ANKRD13C: variants seen among roughly 807,000 people sequenced by gnomAD.
ANKRD13C encodes the protein ankyrin repeat domain 13C, also known as ankyrin repeat domain-containing protein 13C.
A neutral mutation model predicts 65.5 loss-of-function variants in ANKRD13C; 16 were observed. The ratio of observed to expected loss-of-function variants is 0.24; its 90% confidence interval spans 0.17 to 0.37. The LOEUF (loss-of-function observed/expected upper bound fraction) is 0.37, where lower values mean the gene tolerates loss of function less well. Ranked by LOEUF, ANKRD13C falls within the 10% of genes least tolerant of loss-of-function variation. The pLI, the probability that ANKRD13C is intolerant of heterozygous loss-of-function variation, is 1.00. For synonymous variants in ANKRD13C, 235 were observed against 238.7 expected (o/e 0.98, Z 0.14); for missense variants, 503 against 655.9 (o/e 0.77, Z 2.55).
intron 4 of ANKRD13C, 141 bp from the exon 5 acceptor site, chr1:70,313,931 T>G (rs1680961493): frequency 2.0e-6 from 1 of 507,676 alleles, no homozygotes; most frequent in Non-Finnish European, 3.5e-6. Flanking sequence ...CCTGTATATT[T>G]TATAATATTT....
chr1:70,343,900 A>G (rs1442856234), intron 1 of ANKRD13C, among the ~76,000 whole-genome samples: 1 of 152,204 alleles, frequency 6.6e-6, no homozygotes, highest in Non-Finnish European at 1.5e-5. Context: ...CTGTATTCCC[A>G]GCAGTTTGGA....
intron 2 of ANKRD13C, among the ~76,000 whole-genome samples, chr1:70,325,714 T>C (rs1224826014): frequency 6.6e-6 from 1 of 151,426 alleles, no homozygotes; most frequent in African/African-American, 2.4e-5. Flanking sequence ...CCGTCTCTAC[T>C]AAAAAATAAA....
chr1:70,353,697 T>C (rs1682854358), intron 1 of ANKRD13C, among the ~76,000 whole-genome samples: 1 of 152,200 alleles, frequency 6.6e-6, no homozygotes. Flanking sequence ...ACCTAAAATT[T>C]CTGACAGTCC....
intron 1 of ANKRD13C, among the ~76,000 whole-genome samples, chr1:70,346,640 T>C (rs1444601734): frequency 6.6e-6 from 1 of 152,176 alleles, no homozygotes; most frequent in Non-Finnish European, 1.5e-5. Flanking sequence ...AAAATGCTAA[T>C]ATACTACTAA....
chr1:70,267,224 T>C (rs1007459293), intron 12 of ANKRD13C, among the ~76,000 whole-genome samples: 5 of 152,226 alleles, frequency 3.3e-5, no homozygotes, highest in Non-Finnish European at 7.3e-5. Flanking sequence ...TCTGCCTTAA[T>C]TTTAATATGG....
rs141307584 is a variant in ANKRD13C at position 70,339,158 on chromosome 1, C to A, written c.431-3059G>T. On this transcript the variant is annotated intron_variant, in intron 1 of 12. Transcript: ENST00000370944. ...CCGGGTGGCAGAGGTTGCAGTAAGC[C>A]GAGATGGCGGCATTGCACTCCAGCC... is the stretch of plus-strand genomic sequence containing the variant. 3.9e-3 allele frequency among the ~76,000 whole-genome samples: 575 copies of A among 149,098 alleles called. 4 individuals carry two copies. Among genetic ancestry groups the A allele is most frequent in the Non-Finnish European group, 6.0e-3 (403 of 67,628 alleles).
At chr1:70,330,118 G>C (rs1002472981) in intron 2 of ANKRD13C, among the ~76,000 whole-genome samples, 12 of 150,954 alleles carry the variant, frequency 7.9e-5, no homozygotes, top group Non-Finnish European at 5.9e-5. Flanking sequence ...CAGATCAATC[G>C]AATGTCTTCT....
Position 70,262,825 on chromosome 1 carries a change from G to C in ANKRD13C, c.1518C>G (p.Ile506Met). 6.2e-7 allele frequency: 1 copy of C among 1,612,388 alleles called. No homozygotes were observed. The highest frequency in any genetic ancestry group is 8.5e-7 in the Non-Finnish European group (1 of 1,178,966). Reference sequence around the variant, plus strand: ...ACTCCTGAAAAGTCACAGTGGCTGTGATTGTGGGAAACACAGGTATATCTA... The same window carrying C: ...ACTCCTGAAAAGTCACAGTGGCTGTCATTGTGGGAAACACAGGTATATCTA... The part of the protein sequence containing the change: ...VKLDIPVFPT[I>M]TATVTFQEFR... Residue 506 changes from isoleucine to methionine, a missense_variant, in exon 13 of 13, where the codon ATC becomes ATG. Physicochemically the swap from Ile to Met is conservative, Grantham distance 10. This residue lies in a region of ANKRD13C where 300 missense variants were observed against 478.3 expected (regional missense o/e 0.63). Coordinates refer to ENST00000370944, the MANE Select transcript of ANKRD13C (RefSeq NM_030816.5).
rs753060944 is a variant in ANKRD13C, at chr1:70,354,333, C to T, written c.76G>A (p.Gly26Arg). Residue 26 changes from glycine to arginine, a missense_variant, in exon 1 of 13, where the codon GGG becomes AGG. This residue lies in a region of ANKRD13C where 203 missense variants were observed against 177.6 expected (regional missense o/e 1.14). Coordinates refer to ENST00000370944, the MANE Select transcript of ANKRD13C (RefSeq NM_030816.5). ...AGGGCAGCCGCCGCTTCCTCATCCC[C>T]GGGCTCCAGCAGGTCCCCTTCTTCT... ...SKEEGDLLEP[G>R]DEEAAAALGG... 5.9e-5 allele frequency: 96 copies of T among 1,613,954 alleles called. No individual in the cohort carries two copies. The highest frequency in any genetic ancestry group is 8.0e-5 in the Non-Finnish European group (94 of 1,180,030).
intron 3 of ANKRD13C, among the ~76,000 whole-genome samples, chr1:70,317,770 C>T (rs1572123975): frequency 6.6e-6 from 1 of 152,130 alleles, no homozygotes; most frequent in Non-Finnish European, 1.5e-5. Flanking sequence ...CTTAATAAAT[C>T]TTATTCAATC....
At chr1:70,328,426 G>A (rs1236736074) in intron 2 of ANKRD13C, among the ~76,000 whole-genome samples, 1 of 152,214 alleles carries the variant, frequency 6.6e-6, no homozygotes, top group East Asian at 1.9e-4. Flanking sequence ...ACTTTGGGAG[G>A]CCAAGGTGGG....
intron 9 of ANKRD13C, among the ~76,000 whole-genome samples, chr1:70,282,595 A>T (rs1679445700): frequency 6.6e-6 from 1 of 152,212 alleles, no homozygotes; most frequent in Admixed American, 6.5e-5. Flanking sequence ...ACAGTGGGAG[A>T]TTATACATAA....
At position 70,259,571 on chromosome 1, in the gene ANKRD13C, T is replaced by A. The variant is rs1268181629; in HGVS notation, c.*3146A>T. 6.6e-6 allele frequency among the ~76,000 whole-genome samples: 1 copy of A among 152,196 alleles called. No homozygotes were observed. Among genetic ancestry groups the A allele is most frequent in the African/African-American group, 2.4e-5 (1 of 41,466 alleles). On this transcript the variant is annotated 3_prime_UTR_variant, in exon 13 of 13. Transcript: ENST00000370944. ...GAAATTTTTAGGTGGCAACCAGAGTTAGTTACTATTGCCCCAGATTTCTGA... is the reference window on the plus strand; with the variant it reads ...GAAATTTTTAGGTGGCAACCAGAGTAAGTTACTATTGCCCCAGATTTCTGA...
chr1:70,351,706 G>A (rs1279232165), intron 1 of ANKRD13C, among the ~76,000 whole-genome samples: 1 of 152,070 alleles, frequency 6.6e-6, no homozygotes, highest in Non-Finnish European at 1.5e-5. Context: ...GGCCAAGCTT[G>A]CTGTTGTTTA....
chr1:70,352,837 G>A (rs1220196107), intron 1 of ANKRD13C, among the ~76,000 whole-genome samples: 1 of 152,184 alleles, frequency 6.6e-6, no homozygotes, highest in Non-Finnish European at 1.5e-5. Context: ...ATGATAGGTG[G>A]TGATTTTATT....
rs1222694343 is a variant in ANKRD13C, at chr1:70,277,510, GA to G, written c.1216-667del. ...AAGGAATTTACAATTCAGTTGGAAAGAAAAAAAAAATACAGACATGAACAGT... is the reference window on the plus strand; with the variant it reads ...AAGGAATTTACAATTCAGTTGGAAAGAAAAAAAAATACAGACATGAACAGT... On this transcript the variant is annotated intron_variant, in intron 9 of 12. Coordinates refer to ENST00000370944, the MANE Select transcript of ANKRD13C (RefSeq NM_030816.5). Among the ~76,000 whole-genome samples, 399 of 134,490 alleles carry G rather than the reference GA, an allele frequency of 3.0e-3. 3 individuals carry two copies. The highest frequency in any genetic ancestry group is 0.01 in the African/African-American group (370 of 36,340). 88.2% of individuals were successfully genotyped at this position (134,490 alleles called of 152,430 possible).
intron 9 of ANKRD13C, among the ~76,000 whole-genome samples, chr1:70,290,345 T>A (rs1005400700): frequency 3.9e-5 from 6 of 152,188 alleles, no homozygotes; most frequent in Non-Finnish European, 8.8e-5. Flanking sequence ...GGGAAAGGAC[T>A]AAACATTCCA....
intron 3 of ANKRD13C, among the ~76,000 whole-genome samples, chr1:70,317,294 C>T (rs537854773): frequency 9.9e-5 from 15 of 152,228 alleles, no homozygotes; most frequent in Admixed American, 2.0e-4. Context: ...TTTACTAGCT[C>T]GGTGACCTAA....
chr1:70,328,141 T>A (rs1681628595), intron 2 of ANKRD13C, among the ~76,000 whole-genome samples: 1 of 151,800 alleles, frequency 6.6e-6, no homozygotes, highest in Non-Finnish European at 1.5e-5. Context: ...AATTATTGAG[T>A]CTATATGGAA....
Sources: allele counts gnomAD v4.1 joint callset (sites outside exome capture counted in the v4.1 genomes callset), GRCh38; gene constraint gnomAD v4.1.1; regional missense constraint gnomAD v4.1.1; transcripts MANE v1.5; gene names NCBI Gene and HGNC (gene_info 2026-07-23, HGNC 2026-07-21).